Variants in FEZ2 observed in about 807,000 individuals in gnomAD.
FEZ2 encodes the protein fasciculation and elongation protein zeta-2.
A neutral mutation model predicts 40.4 loss-of-function variants in FEZ2; 51 were observed. The ratio of observed to expected loss-of-function variants is 1.26; its 90% CI spans 1.01 to 1.59. FEZ2 has a LOEUF of 1.59. FEZ2 is among the 40% of genes most tolerant of loss of function. The pLI is 0.00. For synonymous variants in FEZ2, 242 were observed against 172.0 expected, an observed-to-expected ratio of 1.41 and a Z score of -3.18; for missense variants, 640 against 438.3, an observed-to-expected ratio of 1.46 and a Z score of -4.11.
At chr2:36,596,757 C>A (rs1040110220) in intron 1 of FEZ2, among the ~76,000 whole-genome samples, 5 of 152,112 alleles carry the variant, frequency 3.3e-5, no homozygotes, top group African/African-American at 1.2e-4. Flanking sequence ...TGTGAGCCAC[C>A]GCGCCCAATC....
intron 2 of FEZ2, 77 bp from the exon 3 acceptor site, chr2:36,583,546 C>T: frequency 2.6e-6 from 2 of 783,688 alleles, no homozygotes; most frequent in Non-Finnish European, 4.5e-6. Flanking sequence ...GTAAAAGAGG[C>T]TGCAGAGAAA....
At chr2:36,595,555 T>C (rs1460019686) in intron 1 of FEZ2, among the ~76,000 whole-genome samples, 1 of 152,130 alleles carries the variant, frequency 6.6e-6, no homozygotes, top group Non-Finnish European at 1.5e-5. Context: ...GCTCACTCAC[T>C]CAGCCACTCA....
chr2:36,566,323 G>A (rs548070966), intron 5 of FEZ2, among the ~76,000 whole-genome samples: 2 of 145,046 alleles, frequency 1.4e-5, no homozygotes, highest in Non-Finnish European at 3.0e-5. Context: ...CTGGACGACA[G>A]AGCGAGACTC....
chr2:36,552,301 G>A lies in FEZ2; in HGVS notation c.*862C>T, dbSNP rs536771747. On this transcript the variant is annotated 3_prime_UTR_variant, in exon 8 of 8. Coordinates refer to ENST00000405912, the MANE Select transcript of FEZ2 (RefSeq NM_005102.3). ...TTTATTAAATGCCATTGATTTGACT[G>A]GAACCAGCAAAAGTGCTCATGATAT... The A allele has an allele frequency of 4.7e-6, 2 of 427,570 alleles. No homozygotes were observed. The highest frequency in any genetic ancestry group is 9.3e-6 in the Non-Finnish European group (2 of 214,474). 26.5% of individuals were successfully genotyped at this position (427,570 alleles called of 1,614,324 possible). A position where few individuals can be genotyped will look rare whatever the true frequency, so the allele number is the denominator to read the frequency against.
chr2:36,565,839 G>A (rs550142170), intron 5 of FEZ2, among the ~76,000 whole-genome samples: 13 of 152,088 alleles, frequency 8.5e-5, no homozygotes, highest in Admixed American at 5.9e-4. Context: ...TAGCACCTCC[G>A]GTCTCTGTTC....
chr2:36,590,576 G>C (rs1002376918), intron 2 of FEZ2: 1 of 193,170 alleles, frequency 5.2e-6, no homozygotes, highest in African/African-American at 2.3e-5. Context: ...TTTGAGGTGG[G>C]AGAATCGCTT....
At chr2:36,571,423 G>A (rs1267726009) in intron 5 of FEZ2, among the ~76,000 whole-genome samples, 2 of 152,196 alleles carry the variant, frequency 1.3e-5, no homozygotes, top group Non-Finnish European at 2.9e-5. Context: ...CACTTTGGGA[G>A]GCCGAGGTGG....
At chr2:36,557,503 ATCATCCATAC>A (rs1572999008) in intron 6 of FEZ2, 1 of 152,198 alleles carries the variant, frequency 6.6e-6, no homozygotes, top group East Asian at 1.9e-4. Context: ...AATAAGTATC[ATCATCCATAC>A]TCATCCATGT....
chr2:36,589,775 A>T (rs1669012093), intron 2 of FEZ2: 1 of 152,258 alleles, frequency 6.6e-6, no homozygotes, highest in Non-Finnish European at 1.5e-5. Context: ...TAATAACAGT[A>T]GGCTTTTCTG....
intron 5 of FEZ2, among the ~76,000 whole-genome samples, chr2:36,568,018 T>A (rs1452816022): frequency 6.6e-6 from 1 of 152,204 alleles, no homozygotes; most frequent in African/African-American, 2.4e-5. Context: ...TTAAATATAC[T>A]TTTTAGTAAA....
At chr2:36,567,798 G>GAATT (rs1668289951) in intron 5 of FEZ2, among the ~76,000 whole-genome samples, 1 of 151,884 alleles carries the variant, frequency 6.6e-6, no homozygotes, top group South Asian at 2.1e-4. Flanking sequence ...CCCTAGCTAG[G>GAATT]ATAATCAAAG....
rs201451880 is a variant in FEZ2 at position 36,560,852 on chromosome 2, T to C, written c.904-2339A>G. 4.3e-6 allele frequency: 7 copies of C among 1,609,804 alleles called. No homozygotes were observed. The East Asian group carries it at 1.3e-4, about 31-fold the overall frequency. Reference sequence around the variant, plus strand: ...ATTCTGAATGACATTTGAGATCCCTTCCATGCTGAAGCGCTAAAGGCGGCA... The same window carrying C: ...ATTCTGAATGACATTTGAGATCCCTCCCATGCTGAAGCGCTAAAGGCGGCA... On this transcript the variant is annotated intron_variant, in intron 5 of 7. Coordinates refer to ENST00000405912, the MANE Select transcript of FEZ2 (RefSeq NM_005102.3).
intron 4 of FEZ2, among the ~76,000 whole-genome samples, chr2:36,580,570 CA>C (rs1668708257): frequency 6.6e-6 from 1 of 152,340 alleles, no homozygotes; most frequent in Non-Finnish European, 1.5e-5. Flanking sequence ...TCATTATTCT[CA>C]CATATGTCAA....
At chr2:36,579,055 C>A (rs1219446468) in intron 4 of FEZ2, 190 bp from the exon 5 acceptor site, 1 of 579,214 alleles carries the variant, frequency 1.7e-6, no homozygotes, top group Non-Finnish European at 3.0e-6. Context: ...GAGATCAGAT[C>A]TGAGTAGAGG....
chr2:36,558,695 T>C, intron 5 of FEZ2, 182 bp from the exon 6 acceptor site: 1 of 397,088 alleles, frequency 2.5e-6, no homozygotes, highest in Non-Finnish European at 4.5e-6. Flanking sequence ...TCATTTTTTT[T>C]TGCCCACCTC....
At chr2:36,566,339 CAAA>C (rs11384694) in intron 5 of FEZ2, among the ~76,000 whole-genome samples, 1 of 132,294 alleles carries the variant, frequency 7.6e-6, no homozygotes, top group African/African-American at 2.7e-5. Flanking sequence ...GACTCCGTCT[CAAA>C]AAAAAAAAAA....
rs760208350 is a variant in FEZ2 at position 36,583,473 on chromosome 2, A to G, written c.376-4T>C. 6.9e-7 allele frequency: 1 copy of G among 1,454,086 alleles called. No individual in the cohort carries two copies. Among genetic ancestry groups the G allele is most frequent in the South Asian group, 1.1e-5 (1 of 88,068 alleles). 90.1% of individuals were successfully genotyped at this position (1,454,086 alleles called of 1,614,324 possible). A position where few individuals can be genotyped will look rare whatever the true frequency, so the allele number is the denominator to read the frequency against. ...CAAAGAGCAAACTGTCACTTACCTAAAAACAAAAATACCCATCATTAAAAG... is the reference window on the plus strand; with the variant it reads ...CAAAGAGCAAACTGTCACTTACCTAGAAACAAAAATACCCATCATTAAAAG... On this transcript the variant is annotated splice_region_variant and splice_polypyrimidine_tract_variant and intron_variant, in intron 2 of 7. Coordinates refer to ENST00000405912, the MANE Select transcript of FEZ2 (RefSeq NM_005102.3).
intron 3 of FEZ2, among the ~76,000 whole-genome samples, chr2:36,581,918 T>G (rs1419309283): frequency 6.6e-6 from 1 of 152,158 alleles, no homozygotes; most frequent in Non-Finnish European, 1.5e-5. Flanking sequence ...AAATTACCTC[T>G]ATGACAGCAA....
chr2:36,577,884 A>C (rs1668621999), intron 5 of FEZ2, among the ~76,000 whole-genome samples: 1 of 152,248 alleles, frequency 6.6e-6, no homozygotes, highest in South Asian at 2.1e-4. Flanking sequence ...TCCCATTTAG[A>C]AAAAGAGATC....
Sources: gnomAD v4.1 joint callset for allele counts (sites outside exome capture counted in the v4.1 genomes callset) on GRCh38, gnomAD v4.1.1 for gene constraint, MANE v1.5 for transcripts, NCBI Gene and HGNC (gene_info 2026-07-23, HGNC 2026-07-21) for gene names.